The following OSBPL10 variants were observed in gnomAD, a reference collection of about 807,000 sequenced individuals.
The protein encoded by OSBPL10 is oxysterol-binding protein-related protein 10.
OSBPL10 carries 49 observed loss-of-function variants against 81.7 expected under a neutral mutation model. That is an observed-to-expected ratio of 0.60 (90% CI 0.48 to 0.76). The LOEUF (loss-of-function observed/expected upper bound fraction) is 0.76, where lower values mean the gene tolerates loss of function less well. Ranked by LOEUF, OSBPL10 falls within the 30% of genes least tolerant of loss-of-function variation. The probability of loss-of-function intolerance (pLI) is 0.00; values close to 1 mark genes in which losing one functional copy is unlikely to be tolerated. For synonymous variants in OSBPL10, 419 were observed against 383.6 expected, an observed-to-expected ratio of 1.09 and a Z score of -1.08; for missense variants, 923 against 987.8, an observed-to-expected ratio of 0.93 and a Z score of 0.88.
intron 8 of OSBPL10, among the ~76,000 whole-genome samples, chr3:31,681,081 G>A (rs978038708): frequency 6.6e-6 from 1 of 152,126 alleles, no homozygotes; most frequent in African/African-American, 2.4e-5. Context: ...TTGTGGAAAA[G>A]GCCTAAACTG....
chr3:31,783,110 ATTATATATATAT>A (rs917692571), intron 4 of OSBPL10, among the ~76,000 whole-genome samples: 8 of 97,424 alleles, frequency 8.2e-5, no homozygotes, highest in African/African-American at 4.1e-4. Context: ...CAATATATCT[ATTATATATATAT>A]ATATATATAT....
intron 2 of OSBPL10, among the ~76,000 whole-genome samples, chr3:32,045,671 C>T (rs1699613901): frequency 6.6e-6 from 1 of 152,162 alleles, no homozygotes; most frequent in African/African-American, 2.4e-5. Context: ...CCCACATCTG[C>T]CTAGAAGTAA....
intron 1 of OSBPL10, among the ~76,000 whole-genome samples, chr3:31,965,496 AAT>A (rs1406364293): frequency 3.1e-5 from 3 of 95,354 alleles, no homozygotes; most frequent in African/African-American, 1.3e-4. Context: ...TATTTTATAT[AAT>A]ATATAAAATA....
At chr3:31,808,891 T>C in intron 4 of OSBPL10, among the ~76,000 whole-genome samples, 1 of 152,234 alleles carries the variant, frequency 6.6e-6, no homozygotes, top group East Asian at 1.9e-4. Context: ...CAGAATATCA[T>C]ACACATGCAA....
chr3:31,843,289 G>C (rs544033139), intron 3 of OSBPL10, among the ~76,000 whole-genome samples: 1 of 152,352 alleles, frequency 6.6e-6, no homozygotes, highest in Admixed American at 6.5e-5. Flanking sequence ...GGTGCCAGGA[G>C]ATGATAATCC....
At chr3:31,860,166 A>C (rs895674166) in intron 3 of OSBPL10, among the ~76,000 whole-genome samples, 7 of 149,090 alleles carry the variant, frequency 4.7e-5, no homozygotes, top group East Asian at 1.9e-4. Context: ...CTTGTATTTG[A>C]AAATGAAAGC....
At chr3:31,923,200 A>G (rs1209905032) in intron 1 of OSBPL10, among the ~76,000 whole-genome samples, 1 of 152,174 alleles carries the variant, frequency 6.6e-6, no homozygotes, top group East Asian at 1.9e-4. Flanking sequence ...AAGCTGAGCT[A>G]TCCAGACTGG....
chr3:31,848,498 C>T (rs1401594708), intron 3 of OSBPL10, among the ~76,000 whole-genome samples: 2 of 152,064 alleles, frequency 1.3e-5, no homozygotes, highest in Admixed American at 1.3e-4. Flanking sequence ...AAAACTCATG[C>T]TCTACTACTC....
intron 1 of OSBPL10, among the ~76,000 whole-genome samples, chr3:31,951,482 TGAA>T (rs1053589479): frequency 2.0e-5 from 3 of 152,054 alleles, no homozygotes; most frequent in South Asian, 2.1e-4. Context: ...AGGATTGAGT[TGAA>T]GAAGAATACT....
At position 31,747,895 on chromosome 3, in the gene OSBPL10, C is replaced by T; in HGVS notation, c.940+15G>A. 15 of 1,612,318 alleles carry T rather than the reference C, an allele frequency of 9.3e-6. No individual in the cohort carries two copies. Among genetic ancestry groups the T allele is most frequent in the Non-Finnish European group, 1.3e-5 (15 of 1,179,714 alleles). ...GTACTCATCCCAAACATGGACAAGC[C>T]CCCGGGGGTCTTACCCGAGGCTCCT... On this transcript the variant is annotated intron_variant, in intron 5 of 11. Transcript: ENST00000396556.
chr3:31,747,307 G>A (rs564426657), intron 5 of OSBPL10, among the ~76,000 whole-genome samples: 1 of 151,488 alleles, frequency 6.6e-6, no homozygotes, highest in Non-Finnish European at 1.5e-5. Context: ...AACAGAATGA[G>A]ACTTTGACTC....
At chr3:31,927,921 CT>C (rs1355161659) in intron 1 of OSBPL10, among the ~76,000 whole-genome samples, 1 of 152,082 alleles carries the variant, frequency 6.6e-6, no homozygotes, top group East Asian at 1.9e-4. Flanking sequence ...CCTACTAGCC[CT>C]TGTAGTCGGG....
At chr3:31,998,859 G>T (rs1173391260) in intron 2 of OSBPL10, among the ~76,000 whole-genome samples, 3 of 152,192 alleles carry the variant, frequency 2.0e-5, no homozygotes, top group Non-Finnish European at 4.4e-5. Flanking sequence ...AACTAAAACA[G>T]TTCTTTTTCA....
intron 1 of OSBPL10, among the ~76,000 whole-genome samples, chr3:31,980,044 G>GC: frequency 6.7e-6 from 1 of 149,736 alleles, no homozygotes; most frequent in South Asian, 2.1e-4. Flanking sequence ...TCGCACTGTC[G>GC]CCCCGGCTAG....
intron 4 of OSBPL10, among the ~76,000 whole-genome samples, chr3:31,797,090 G>A (rs1179783019): frequency 6.7e-6 from 1 of 149,830 alleles, no homozygotes; most frequent in Non-Finnish European, 1.5e-5. Context: ...TTTCTCCCGG[G>A]TTCAAGTGAT....
intron 4 of OSBPL10, among the ~76,000 whole-genome samples, chr3:31,824,141 T>A (rs1207673953): frequency 6.6e-6 from 1 of 152,190 alleles, no homozygotes; most frequent in Non-Finnish European, 1.5e-5. Context: ...ATTATAGGCA[T>A]GAGCCACCAC....
chr3:31,862,089 C>G (rs6782903), intron 3 of OSBPL10, among the ~76,000 whole-genome samples: 5,759 of 152,296 alleles, frequency 0.038, 188 homozygotes, highest in South Asian at 0.095. Context: ...ACATGCCAGG[C>G]TCAGAAATAG....
chr3:31,920,909 C>G (rs887378742), intron 1 of OSBPL10, among the ~76,000 whole-genome samples: 1 of 152,128 alleles, frequency 6.6e-6, no homozygotes, highest in East Asian at 1.9e-4. Context: ...AAGCCAACAC[C>G]AGAAGCAGAT....
rs540295142 is a variant in OSBPL10 at position 31,889,804 on chromosome 3, T to C, written c.282-9974A>G. On this transcript the variant is annotated intron_variant, in intron 1 of 11. Transcript: ENST00000396556. ...AAATAGCTCGGAGGAGGATATTGCATGTTCCCAGCACAAAGAAATGATAAA... is the reference window on the plus strand; with the variant it reads ...AAATAGCTCGGAGGAGGATATTGCACGTTCCCAGCACAAAGAAATGATAAA... Among the ~76,000 whole-genome samples the C allele has an allele frequency of 2.0e-5, 3 of 152,286 alleles. No individual in the cohort carries two copies. The East Asian group carries it at 5.8e-4, about 29-fold the overall frequency.
Sources: gnomAD v4.1 joint callset for allele counts (sites outside exome capture counted in the v4.1 genomes callset) on GRCh38, gnomAD v4.1.1 for gene constraint, MANE v1.5 for transcripts, NCBI Gene and HGNC (gene_info 2026-07-23, HGNC 2026-07-21) for gene names.